Variants in FMNL2 observed in about 807,000 individuals in gnomAD.
FMNL2 encodes formin like 2, also known as formin-like protein 2.
FMNL2 carries 51 observed loss-of-function variants against 130.2 expected under a neutral mutation model. The observed-to-expected ratio is 0.39, with a 90% CI of 0.31 to 0.49. The LOEUF (loss-of-function observed/expected upper bound fraction) is 0.49. Ranked by LOEUF, FMNL2 falls within the 20% of genes least tolerant of loss-of-function variation. The pLI is 0.85. For synonymous variants in FMNL2, 465 were observed against 467.1 expected, an observed-to-expected ratio of 1.00 and a Z score of 0.06; for missense variants, 977 against 1,316.2, an observed-to-expected ratio of 0.74 and a Z score of 3.99.
intron 1 of FMNL2, among the ~76,000 whole-genome samples, chr2:152,445,054 G>C (rs1042362729): frequency 6.6e-6 from 1 of 152,230 alleles, no homozygotes; most frequent in Non-Finnish European, 1.5e-5. Flanking sequence ...GAAAGCATCT[G>C]CCCAGGAGTC....
At chr2:152,621,785 C>T (rs72871142) in intron 15 of FMNL2, among the ~76,000 whole-genome samples, 12 of 152,224 alleles carry the variant, frequency 7.9e-5, no homozygotes, top group Non-Finnish European at 1.6e-4. Flanking sequence ...TTGAGTAACT[C>T]TCTCTCTCAC....
chr2:152,438,934 C>T (rs1049865693), intron 1 of FMNL2, among the ~76,000 whole-genome samples: 39 of 152,004 alleles, frequency 2.6e-4, no homozygotes, highest in African/African-American at 8.2e-4. Flanking sequence ...TTCTAGTACC[C>T]GAGATTAGGA....
chr2:152,429,215 C>CAAAAAAAAAA (rs3047928), intron 1 of FMNL2, among the ~76,000 whole-genome samples: 2 of 95,758 alleles, frequency 2.1e-5, no homozygotes, highest in African/African-American at 6.2e-5. Context: ...CTTAGAGGAA[C>CAAAAAAAAAA]AAAAAAAAAA....
At chr2:152,352,919 A>AT (rs1471157100) in intron 1 of FMNL2, among the ~76,000 whole-genome samples, 1 of 152,152 alleles carries the variant, frequency 6.6e-6, no homozygotes, top group Admixed American at 6.5e-5. Context: ...AACAACCATT[A>AT]TTATATTGTG....
At chr2:152,412,487 T>A (rs1217960772) in intron 1 of FMNL2, among the ~76,000 whole-genome samples, 1 of 31,568 alleles carries the variant, frequency 3.2e-5, no homozygotes, top group Admixed American at 3.7e-4. Context: ...TATATATATA[T>A]ATATATATAT....
chr2:152,601,752 C>T (rs139455025), intron 9 of FMNL2, among the ~76,000 whole-genome samples: 2 of 150,980 alleles, frequency 1.3e-5, no homozygotes, highest in East Asian at 1.9e-4. Context: ...TCACTGGAAC[C>T]TTCACCTCCC....
chr2:152,537,299 G>T (rs1313184360), intron 2 of FMNL2, among the ~76,000 whole-genome samples: 1 of 152,224 alleles, frequency 6.6e-6, no homozygotes, highest in African/African-American at 2.4e-5. Context: ...TGGTCATTAA[G>T]TGGAGTCCAA....
At chr2:152,519,195 A>G (rs973441014) in intron 1 of FMNL2, among the ~76,000 whole-genome samples, 1 of 152,140 alleles carries the variant, frequency 6.6e-6, no homozygotes, top group Non-Finnish European at 1.5e-5. Flanking sequence ...AGGTTTTTCC[A>G]GACTGTCTAA....
At chr2:152,452,577 C>CTTTTT (rs1428253843) in intron 1 of FMNL2, among the ~76,000 whole-genome samples, 9 of 152,118 alleles carry the variant, frequency 5.9e-5, no homozygotes, top group Admixed American at 4.6e-4. Flanking sequence ...TGTAATGGGA[C>CTTTTT]AAATGTGACT....
intron 3 of FMNL2, among the ~76,000 whole-genome samples, chr2:152,543,744 A>AG (rs1694458504): frequency 6.6e-6 from 1 of 151,304 alleles, no homozygotes; most frequent in Non-Finnish European, 1.5e-5. Context: ...AAAAAAAAAA[A>AG]AAAAAGTCCA....
At chr2:152,591,090 A>G (rs1580041852) in intron 9 of FMNL2, among the ~76,000 whole-genome samples, 1 of 137,426 alleles carries the variant, frequency 7.3e-6, no homozygotes, top group Non-Finnish European at 1.5e-5. Context: ...GCTCACTGCA[A>G]CCTCCGTCTC....
intron 1 of FMNL2, among the ~76,000 whole-genome samples, chr2:152,462,042 T>A (rs758101657): frequency 1.3e-5 from 2 of 152,098 alleles, no homozygotes; most frequent in Non-Finnish European, 2.9e-5. Flanking sequence ...ACTAGAGGTG[T>A]GTACCATCGT....
At chr2:152,363,699 T>G (rs1683323518) in intron 1 of FMNL2, among the ~76,000 whole-genome samples, 1 of 152,076 alleles carries the variant, frequency 6.6e-6, no homozygotes, top group Admixed American at 6.5e-5. Context: ...GTAGCTGGGA[T>G]TACAGGCGCC....
At position 152,647,856 on chromosome 2, in the gene FMNL2, T is replaced by C; in HGVS notation, c.3230T>C (p.Phe1077Ser). 2 of 1,613,878 alleles carry C rather than the reference T, an allele frequency of 1.2e-6. No homozygotes were observed. The highest frequency in any genetic ancestry group is 1.7e-6 in the Non-Finnish European group (2 of 1,179,838). ...GTGAGGAGAAGCGTCAGGCGGCGCT[T>C]TGATGATCAGAACTTGCGTTCTGTT... is the stretch of plus-strand genomic sequence containing the variant. ...DAVRRSVRRR[F>S]DDQNLRSVNG... Residue 1077 changes from phenylalanine to serine, a missense_variant, in exon 26 of 26, where the codon TTT (phenylalanine) becomes TCT (serine). Transcript: ENST00000288670.
intron 9 of FMNL2, among the ~76,000 whole-genome samples, chr2:152,592,675 T>C (rs1580047560): frequency 1.3e-5 from 2 of 152,356 alleles, no homozygotes; most frequent in East Asian, 3.9e-4. Context: ...GTATATATTA[T>C]TTTGTTAATT....
At chr2:152,424,042 C>G (rs1481503091) in intron 1 of FMNL2, among the ~76,000 whole-genome samples, 1 of 152,174 alleles carries the variant, frequency 6.6e-6, no homozygotes, top group Non-Finnish European at 1.5e-5. Flanking sequence ...GGGAGGGAAG[C>G]TCATGAGGCT....
Position 152,579,591 on chromosome 2 carries a change from A to G in FMNL2, c.782+627A>G, listed in dbSNP as rs956504436. 1.2e-4 allele frequency among the ~76,000 whole-genome samples: 19 copies of G among 152,094 alleles called. 1 individual carries two copies. The highest frequency in any genetic ancestry group is 2.5e-4 in the Non-Finnish European group (17 of 68,000). Reference sequence around the variant, plus strand: ...CACATGCCTGTAATCCCAGCTACTCAGGAGGCTGAGGCAGGAGAATGGCTT... The same window carrying G: ...CACATGCCTGTAATCCCAGCTACTCGGGAGGCTGAGGCAGGAGAATGGCTT... On this transcript the variant is annotated intron_variant, in intron 8 of 25. Coordinates refer to ENST00000288670, the MANE Select transcript of FMNL2 (RefSeq NM_052905.4).
intron 1 of FMNL2, among the ~76,000 whole-genome samples, chr2:152,455,405 G>A (rs770288815): frequency 2.0e-5 from 3 of 152,070 alleles, no homozygotes; most frequent in Admixed American, 1.3e-4. Flanking sequence ...GGAAAGGCAC[G>A]GGTGAAACCA....
At position 152,448,724 on chromosome 2, in the gene FMNL2, A is replaced by C. The variant is rs73968017; in HGVS notation, c.118-73219A>C. ...CGTGAAGCCTTGCACCATTTTCAGC[A>C]TTGAATTTAAAAGTAGGTCAGTGAC... On this transcript the variant is annotated intron_variant, in intron 1 of 25. Transcript: ENST00000288670. Among the ~76,000 whole-genome samples the C allele has an allele frequency of 4.7e-3, 717 of 152,352 alleles. 6 individuals carry two copies. The highest frequency in any genetic ancestry group is 0.016 in the African/African-American group (686 of 41,586).
Sources: allele counts gnomAD v4.1 joint callset (sites outside exome capture counted in the v4.1 genomes callset), GRCh38; gene constraint gnomAD v4.1.1; transcripts MANE v1.5; gene names NCBI Gene and HGNC (gene_info 2026-07-23, HGNC 2026-07-21).